Variants in ZNF486 observed in about 807,000 individuals in gnomAD.
ZNF486 encodes the protein zinc finger protein 486.
ZNF486 carries 12 observed loss-of-function variants against 12.8 expected under a neutral mutation model. The observed-to-expected ratio is 0.94, with a 90% CI of 0.60 to 1.52. The LOEUF is 1.52. ZNF486 is among the 40% of genes most tolerant of loss of function. ZNF486 has a pLI of 0.00. For missense variants in ZNF486, 738 were observed against 545.0 expected (o/e 1.35, Z -3.53); for synonymous variants, 231 against 184.9 (o/e 1.25, Z -2.02).
intron 1 of ZNF486, chr19:20,175,460 T>C (rs1052423060): frequency 6.6e-6 from 1 of 152,422 alleles, no homozygotes; most frequent in Non-Finnish European, 1.5e-5. Context: ...CTGGTTTTCC[T>C]AGGCAGAGGA....
At chr19:20,169,519 C>T (rs1423168419) in intron 1 of ZNF486, among the ~76,000 whole-genome samples, 1 of 152,124 alleles carries the variant, frequency 6.6e-6, no homozygotes, top group African/African-American at 2.4e-5. Context: ...AGAGAAGCTA[C>T]GGAGCCCTGG....
chr19:20,179,535 G>C (rs537619687), intron 1 of ZNF486, among the ~76,000 whole-genome samples: 1 of 151,960 alleles, frequency 6.6e-6, no homozygotes, highest in African/African-American at 2.4e-5. Context: ...GCCTCTATGA[G>C]AGCTCTCTTT....
At position 20,167,419 on chromosome 19, in the gene ZNF486, T is replaced by G; in HGVS notation, c.30+59T>G. Reference sequence around the variant, plus strand: ...GAGGGACTGGTTGATGGGAAGTGGCTGTGGAGGGACTCAGGCCTCCCCGTA... The same window carrying G: ...GAGGGACTGGTTGATGGGAAGTGGCGGTGGAGGGACTCAGGCCTCCCCGTA... On this transcript the variant is annotated intron_variant, in intron 1 of 3. Coordinates refer to ENST00000335117, the MANE Select transcript of ZNF486 (RefSeq NM_052852.4). The G allele has an allele frequency of 1.9e-6, 3 of 1,588,128 alleles. No homozygotes were observed. In the African/African-American group the frequency reaches 4.0e-5, roughly 21 times the overall value.
intron 1 of ZNF486, among the ~76,000 whole-genome samples, chr19:20,179,248 A>G (rs2089757922): frequency 6.7e-6 from 1 of 149,902 alleles, no homozygotes; most frequent in Non-Finnish European, 1.5e-5. Context: ...ATGCCCTAAA[A>G]CATAATGATA....
At chr19:20,171,396 G>A (rs953158354) in intron 1 of ZNF486, among the ~76,000 whole-genome samples, 6 of 152,088 alleles carry the variant, frequency 3.9e-5, no homozygotes, top group African/African-American at 7.2e-5. Flanking sequence ...AGACATTAAC[G>A]TGTCCACACT....
intron 1 of ZNF486, 63 bp downstream of exon 1, chr19:20,167,423 G>A: frequency 1.3e-6 from 2 of 1,581,576 alleles, no homozygotes; most frequent in Middle Eastern, 3.4e-4. Flanking sequence ...AGTGGCTGTG[G>A]AGGGACTCAG....
intron 3 of ZNF486, among the ~76,000 whole-genome samples, chr19:20,187,646 C>T (rs568419320): frequency 7.9e-5 from 12 of 151,870 alleles, no homozygotes; most frequent in South Asian, 2.1e-4. Context: ...GGACTACAGG[C>T]GCCCACCACC....
At chr19:20,187,229 GT>G in intron 3 of ZNF486, among the ~76,000 whole-genome samples, 1 of 151,940 alleles carries the variant, frequency 6.6e-6, no homozygotes, top group Non-Finnish European at 1.5e-5. Flanking sequence ...ACACTTGTAT[GT>G]TAATTTTATA....
At chr19:20,188,555 G>T in intron 3 of ZNF486, 1 of 398,022 alleles carries the variant, frequency 2.5e-6, no homozygotes, top group Non-Finnish European at 4.4e-6. Flanking sequence ...ATGGTGGTAT[G>T]CAGCTGTGGT....
At position 20,197,360 on chromosome 19, in the gene ZNF486, A is replaced by C; in HGVS notation, c.650A>C (p.Lys217Thr). 1 of 1,613,666 alleles carries C rather than the reference A, an allele frequency of 6.2e-7. No homozygotes were observed. The highest frequency in any genetic ancestry group is 1.1e-5 in the South Asian group (1 of 91,030). The part of the protein sequence containing the change: ...EKPYKCEECG[K>T]AFNRSSHLTT... ...CCATACAAATGTGAAGAATGTGGCA[A>C]AGCCTTCAACCGGTCCTCACACCTT... The change falls in exon 4 of 4, where the codon AAA becomes ACA. Residue 217 changes from lysine to threonine, a missense_variant. By Grantham distance (78) the Lys-to-Thr change is moderately conservative. Transcript: ENST00000335117.
chr19:20,176,501 T>C (rs909742155), intron 1 of ZNF486: 18 of 213,742 alleles, frequency 8.4e-5, no homozygotes, highest in African/African-American at 2.4e-4. Context: ...TGTAGCCAGC[T>C]GAGATCACGC....
rs148192641 is a variant in ZNF486 at position 20,195,335 on chromosome 19, A to C, written c.254-1629A>C. On this transcript the variant is annotated intron_variant, in intron 3 of 3. Coordinates refer to ENST00000335117, the MANE Select transcript of ZNF486 (RefSeq NM_052852.4). ...AGGCACATGTCACCATGCCCAGCTAATTTTTGTATTTTTAGTAGATACAGG... is the reference window on the plus strand; with the variant it reads ...AGGCACATGTCACCATGCCCAGCTACTTTTTGTATTTTTAGTAGATACAGG... Among the ~76,000 whole-genome samples, 11 of 152,166 alleles carry C rather than the reference A, an allele frequency of 7.2e-5. No individual in the cohort carries two copies. The East Asian group carries it at 2.1e-3, about 29-fold the overall frequency.
chr19:20,173,273 C>T (rs1220047363), intron 1 of ZNF486, among the ~76,000 whole-genome samples: 1 of 152,084 alleles, frequency 6.6e-6, no homozygotes, highest in Non-Finnish European at 1.5e-5. Flanking sequence ...CTTTAGTCTT[C>T]TAAAAAATGC....
intron 1 of ZNF486, among the ~76,000 whole-genome samples, chr19:20,179,694 A>ATTT (rs1358840021): frequency 6.6e-6 from 1 of 152,124 alleles, no homozygotes; most frequent in Non-Finnish European, 1.5e-5. Context: ...AACAAAAGTC[A>ATTT]TTTTCTGCAT....
intron 1 of ZNF486, among the ~76,000 whole-genome samples, chr19:20,180,338 A>G (rs2089770864): frequency 6.6e-6 from 1 of 152,124 alleles, no homozygotes. Flanking sequence ...AAATAGATAA[A>G]CTAGTTGCTT....
intron 3 of ZNF486, among the ~76,000 whole-genome samples, chr19:20,191,642 C>G (rs1254238142): frequency 6.7e-6 from 1 of 150,228 alleles, no homozygotes. Context: ...TGGTGGTGGG[C>G]GCCTGTAGTC....
chr19:20,171,891 C>T (rs781818097), intron 1 of ZNF486, among the ~76,000 whole-genome samples: 8 of 152,182 alleles, frequency 5.3e-5, no homozygotes, highest in Non-Finnish European at 1.2e-4. Flanking sequence ...CTCAACTAGG[C>T]CTCAGTGTCT....
Position 20,197,795 on chromosome 19 carries a change from C to A in ZNF486, c.1085C>A (p.Ser362Tyr), listed in dbSNP as rs202203054. The A allele has an allele frequency of 1.2e-6, 2 of 1,613,772 alleles. No homozygotes were observed. Among genetic ancestry groups the A allele is most frequent in the East Asian group, 2.2e-5 (1 of 44,866 alleles). Residue 362 changes from serine (S) to tyrosine (Y), a missense_variant, in exon 4 of 4, where the codon TCC becomes TAC. By Grantham distance (144) the Ser-to-Tyr change is moderately radical (BLOSUM62 -2). Transcript: ENST00000335117. Reference protein sequence around the residue: ...CEECGKAFTRSSHLTMHKIIH... With the variant: ...CEECGKAFTRYSHLTMHKIIH... ...GAATGTGGCAAAGCCTTCACCCGCTCCTCACACCTTACTATGCATAAGATA... is the reference window on the plus strand; with the variant it reads ...GAATGTGGCAAAGCCTTCACCCGCTACTCACACCTTACTATGCATAAGATA...
chr19:20,167,781 G>T (rs1046337331), intron 1 of ZNF486, among the ~76,000 whole-genome samples: 1 of 152,090 alleles, frequency 6.6e-6, no homozygotes, highest in East Asian at 1.9e-4. Flanking sequence ...GGTGGTTGAC[G>T]TCTGTAATCC....
Sources: gnomAD v4.1 joint callset for allele counts (sites outside exome capture counted in the v4.1 genomes callset) on GRCh38, gnomAD v4.1.1 for gene constraint, MANE v1.5 for transcripts, NCBI Gene and HGNC (gene_info 2026-07-23, HGNC 2026-07-21) for gene names.